Variants in RALGAPA2 observed in about 807,000 individuals in gnomAD.
RALGAPA2 encodes Ral GTPase activating protein catalytic subunit alpha 2.
Under a neutral mutation model 230.4 loss-of-function variants are expected in RALGAPA2, and 139 were observed. That is an observed-to-expected ratio of 0.60 (90% CI 0.53 to 0.69). RALGAPA2 has a LOEUF of 0.69. Among genes scored for constraint, RALGAPA2 ranks in the 30% least tolerant of loss-of-function variants. The probability of loss-of-function intolerance (pLI) is 0.00; values close to 1 mark genes in which losing one functional copy is unlikely to be tolerated. For missense variants in RALGAPA2, 2,163 were observed against 2,276.0 expected (o/e 0.95, Z 1.01); for synonymous variants, 847 against 837.8 (o/e 1.01, Z -0.19).
At chr20:20,481,945 G>A (rs1041409690) in intron 36 of RALGAPA2, among the ~76,000 whole-genome samples, 2 of 151,882 alleles carry the variant, frequency 1.3e-5, no homozygotes, top group African/African-American at 2.4e-5. Flanking sequence ...CCTAATGAGA[G>A]GCAAGGTAAA....
At chr20:20,490,010 A>G (rs553027308) in intron 36 of RALGAPA2, among the ~76,000 whole-genome samples, 1 of 152,374 alleles carries the variant, frequency 6.6e-6, no homozygotes, top group Admixed American at 6.5e-5. Flanking sequence ...AACAACGTCA[A>G]CTTCTGAGGA....
rs748683871 is a variant in RALGAPA2 at position 20,624,328 on chromosome 20, C to CAAA, written c.1234-3701_1234-3699dup. On this transcript the variant is annotated intron_variant, in intron 10 of 39. Transcript: ENST00000202677. ...TGTGATGGGAGCGAGACTCCATCTC[C>CAAA]AAAAAAAAAAAAAAAAAAAAAGAAA... 6.4e-3 allele frequency among the ~76,000 whole-genome samples: 312 copies of CAAA among 49,032 alleles called. 1 individual carries two copies. Among genetic ancestry groups the CAAA allele is most frequent in the East Asian group, 0.014 (28 of 2,068 alleles). The allele number at this position is 49,032 out of a possible 152,430, so 32.2% of individuals were successfully genotyped here. A position where few individuals can be genotyped will look rare whatever the true frequency, so the allele number is the denominator to read the frequency against.
chr20:20,528,176 T>C (rs2063271957), intron 27 of RALGAPA2, among the ~76,000 whole-genome samples: 4 of 152,134 alleles, frequency 2.6e-5, no homozygotes, highest in Admixed American at 2.6e-4. Flanking sequence ...GTGGTGTTAC[T>C]GACATGTAAT....
At chr20:20,497,941 G>A (rs1210779699) in intron 35 of RALGAPA2, among the ~76,000 whole-genome samples, 4 of 152,230 alleles carry the variant, frequency 2.6e-5, no homozygotes, top group African/African-American at 9.6e-5. Context: ...GGCCATGGGA[G>A]CAATCGGCTG....
At chr20:20,481,766 T>C (rs939177368) in intron 36 of RALGAPA2, among the ~76,000 whole-genome samples, 4 of 152,228 alleles carry the variant, frequency 2.6e-5, no homozygotes, top group African/African-American at 9.6e-5. Flanking sequence ...TTTAGGATGC[T>C]GGACTTGGTG....
intron 37 of RALGAPA2, among the ~76,000 whole-genome samples, chr20:20,424,388 G>C (rs1423808389): frequency 6.6e-6 from 1 of 152,166 alleles, no homozygotes; most frequent in Non-Finnish European, 1.5e-5. Flanking sequence ...AGTGAGAAAA[G>C]ATTCAACAGG....
intron 38 of RALGAPA2, among the ~76,000 whole-genome samples, chr20:20,397,951 G>A (rs2059752568): frequency 1.3e-5 from 2 of 152,142 alleles, no homozygotes; most frequent in African/African-American, 4.8e-5. Flanking sequence ...ACACCTGGTT[G>A]TGCTCTTTGG....
chr20:20,425,393 T>G (rs2060361163), intron 37 of RALGAPA2, among the ~76,000 whole-genome samples: 2 of 152,212 alleles, frequency 1.3e-5, no homozygotes, highest in Admixed American at 1.3e-4. Flanking sequence ...TTTACAAAAG[T>G]TTAGCTTTAT....
chr20:20,557,606 C>T (rs983612641), intron 23 of RALGAPA2, among the ~76,000 whole-genome samples: 1 of 152,138 alleles, frequency 6.6e-6, no homozygotes, highest in South Asian at 2.1e-4. Flanking sequence ...TCGACACTGC[C>T]AATGATGCCA....
rs1264057684 is a variant in RALGAPA2, at chr20:20,503,410, C to T, written c.5149G>A (p.Val1717Met). Residue 1717 changes from valine to methionine, a missense_variant, in exon 35 of 40, where the codon GTG becomes ATG. Physicochemically the swap from Val to Met is conservative, Grantham distance 21 (BLOSUM62 1). Coordinates refer to ENST00000202677, the MANE Select transcript of RALGAPA2 (RefSeq NM_020343.4). ...APYYATSTVE[V>M]IFHVSTRMPS... ...ATTCGAGTGGAAACATGGAAAATCA[C>T]TTCCACAGTTGAGGTAGCATAGTAA... 3.7e-6 allele frequency: 6 copies of T among 1,606,490 alleles called. No homozygotes were observed. Among genetic ancestry groups the T allele is most frequent in the Non-Finnish European group, 5.1e-6 (6 of 1,175,440 alleles).
At chr20:20,442,708 CT>C (rs1352859227) in intron 37 of RALGAPA2, among the ~76,000 whole-genome samples, 1 of 152,232 alleles carries the variant, frequency 6.6e-6, no homozygotes, top group Non-Finnish European at 1.5e-5. Context: ...TTGAACAAGG[CT>C]CCAGCACAAA....
At chr20:20,422,862 G>A (rs527354844) in intron 37 of RALGAPA2, among the ~76,000 whole-genome samples, 13 of 152,334 alleles carry the variant, frequency 8.5e-5, no homozygotes, top group African/African-American at 3.1e-4. Context: ...AGTGGACAAC[G>A]AGCTCTAGGA....
At chr20:20,402,447 G>C (rs116234503) in intron 38 of RALGAPA2, among the ~76,000 whole-genome samples, 1 of 152,204 alleles carries the variant, frequency 6.6e-6, no homozygotes, top group African/African-American at 2.4e-5. Context: ...TCACGCACAC[G>C]CGTGCTCATG....
intron 37 of RALGAPA2, among the ~76,000 whole-genome samples, chr20:20,462,404 G>A (rs568826179): frequency 4.6e-5 from 7 of 152,160 alleles, no homozygotes; most frequent in East Asian, 1.9e-4. Context: ...GCTGGCACAC[G>A]GGACACCTGA....
At chr20:20,593,193 G>A (rs1416573188) in intron 16 of RALGAPA2, among the ~76,000 whole-genome samples, 2 of 152,250 alleles carry the variant, frequency 1.3e-5, no homozygotes, top group Non-Finnish European at 2.9e-5. Flanking sequence ...GTGGGCCATG[G>A]TGCCCAGCCC....
intron 24 of RALGAPA2, among the ~76,000 whole-genome samples, chr20:20,539,568 C>T (rs1602704622): frequency 1.3e-5 from 2 of 152,070 alleles, no homozygotes; most frequent in Non-Finnish European, 1.5e-5. Context: ...AAAATGATTA[C>T]CACAAACAAG....
At chr20:20,614,749 C>G (rs1467046737) in intron 13 of RALGAPA2, among the ~76,000 whole-genome samples, 1 of 152,202 alleles carries the variant, frequency 6.6e-6, no homozygotes. Flanking sequence ...CCTACAGTTC[C>G]TTTCCGATCA....
chr20:20,409,649 G>T (rs2060019445), intron 38 of RALGAPA2, among the ~76,000 whole-genome samples: 1 of 152,210 alleles, frequency 6.6e-6, no homozygotes, highest in Admixed American at 6.5e-5. Context: ...GAACATAACA[G>T]TGTAAACAAA....
In RALGAPA2 at chr20:20,629,488, G is replaced by C. The variant is rs777986820; in HGVS notation, c.1108C>G (p.Arg370Gly). 1 of 1,613,860 alleles carries C rather than the reference G, an allele frequency of 6.2e-7. No homozygotes were observed. The highest frequency in any genetic ancestry group is 8.5e-7 in the Non-Finnish European group (1 of 1,179,868). Residue 370 changes from arginine to glycine, a missense_variant, in exon 10 of 40, where the codon CGA becomes GGA. Transcript: ENST00000202677. The stretch of plus-strand genomic sequence containing the variant: ...CAGAGGCTGGAGTTGCTGAGTCTTC[G>C]GTCCGACAAGGTGCTGCTGTTAGAA... Reference protein sequence around the residue: ...SHSNSSTLSDRRLSNSSLCSI... With the variant: ...SHSNSSTLSDGRLSNSSLCSI...
Sources: gnomAD v4.1 joint callset for allele counts (sites outside exome capture counted in the v4.1 genomes callset) on GRCh38, gnomAD v4.1.1 for gene constraint, MANE v1.5 for transcripts, NCBI Gene and HGNC (gene_info 2026-07-23, HGNC 2026-07-21) for gene names.